Variants in TMEM117 observed in about 807,000 individuals in gnomAD.
The protein encoded by TMEM117 is transmembrane protein 117.
A neutral mutation model predicts 52.4 loss-of-function variants in TMEM117; 27 were observed. That is an observed-to-expected ratio of 0.51 (90% confidence interval 0.38 to 0.71). The LOEUF (loss-of-function observed/expected upper bound fraction) is 0.71. TMEM117 is among the 30% of genes least tolerant of loss of function. The pLI, the probability that TMEM117 is intolerant of heterozygous loss-of-function variation, is 0.00. For synonymous variants in TMEM117, 215 were observed against 206.3 expected (o/e 1.04, Z -0.36); for missense variants, 556 against 630.5 (o/e 0.88, Z 1.26).
At chr12:44,250,337 G>A (rs540442965) in intron 5 of TMEM117, among the ~76,000 whole-genome samples, 6 of 152,132 alleles carry the variant, frequency 3.9e-5, no homozygotes, top group South Asian at 4.1e-4. Flanking sequence ...GTCAGGAAAC[G>A]GTAGATACTG....
the TMEM117 span, among the ~76,000 whole-genome samples, chr12:43,824,649 T>C: frequency 6.6e-6 from 1 of 152,166 alleles, no homozygotes; most frequent in Admixed American, 6.5e-5. Context: ...AAGAAAGCCC[T>C]GTAGGGCCGG....
intron 2 of TMEM117, among the ~76,000 whole-genome samples, chr12:43,890,172 C>T (rs1403937657): frequency 1.3e-5 from 2 of 152,126 alleles, no homozygotes; most frequent in Non-Finnish European, 2.9e-5. Context: ...AGAGAAGTGA[C>T]ATTTAATGTA....
At chr12:44,154,248 A>G (rs941113666) in intron 4 of TMEM117, among the ~76,000 whole-genome samples, 1 of 152,104 alleles carries the variant, frequency 6.6e-6, no homozygotes, top group Non-Finnish European at 1.5e-5. Context: ...ATTTCCAACG[A>G]TATCAGTTAA....
chr12:44,008,768 A>C (rs975914539), intron 3 of TMEM117: 1 of 428,198 alleles, frequency 2.3e-6, no homozygotes, highest in Non-Finnish European at 4.6e-6. Flanking sequence ...AATAAGGTGG[A>C]AGTTCTGAAT....
At chr12:43,996,896 C>G (rs1690299905) in intron 3 of TMEM117, among the ~76,000 whole-genome samples, 1 of 152,110 alleles carries the variant, frequency 6.6e-6, no homozygotes, top group Non-Finnish European at 1.5e-5. Context: ...TGGGAACTTT[C>G]ACTGGGCATA....
intron 4 of TMEM117, among the ~76,000 whole-genome samples, chr12:44,151,656 T>C (rs992467365): frequency 2.0e-5 from 3 of 150,646 alleles, no homozygotes; most frequent in Non-Finnish European, 4.4e-5. Context: ...TGAAAGTCAA[T>C]GATATAATGA....
chr12:44,366,266 A>G (rs979095988), intron 6 of TMEM117, among the ~76,000 whole-genome samples: 13 of 152,044 alleles, frequency 8.6e-5, no homozygotes, highest in African/African-American at 3.1e-4. Context: ...GTATAAAGAT[A>G]GGCAACTGCT....
At chr12:44,195,513 T>C (rs1223996716) in intron 4 of TMEM117, among the ~76,000 whole-genome samples, 1 of 152,084 alleles carries the variant, frequency 6.6e-6, no homozygotes, top group African/African-American at 2.4e-5. Flanking sequence ...AGGAGGTCAT[T>C]CTCGGAATTC....
intron 5 of TMEM117, among the ~76,000 whole-genome samples, chr12:44,267,201 T>C (rs1033187519): frequency 6.6e-6 from 1 of 152,142 alleles, no homozygotes; most frequent in Non-Finnish European, 1.5e-5. Context: ...AACTATGTTT[T>C]GTAATTTTCC....
intron 3 of TMEM117, among the ~76,000 whole-genome samples, chr12:44,133,965 A>G (rs1948452512): frequency 2.6e-5 from 4 of 152,204 alleles, no homozygotes. Flanking sequence ...GAGACCTATA[A>G]AATACCTTTG....
Position 44,388,554 on chromosome 12 carries a change from T to C in TMEM117, c.1427T>C (p.Ile476Thr). Residue 476 changes from isoleucine (I) to threonine (T), a missense_variant, in exon 8 of 8, where the codon ATC (isoleucine) becomes ACC (threonine). Ile to Thr is a moderately conservative substitution (Grantham distance 89). Coordinates refer to ENST00000266534, the MANE Select transcript of TMEM117 (RefSeq NM_032256.3). ...LVCIRSDFNE[I>T]VYKSSHLTSE... ...TGCATCAGGTCTGACTTCAATGAGA[T>C]CGTCTACAAGTCTTCCCACCTAACC... 1 of 1,613,542 alleles carries C rather than the reference T, an allele frequency of 6.2e-7. No individual in the cohort carries two copies. The highest frequency in any genetic ancestry group is 8.5e-7 in the Non-Finnish European group (1 of 1,179,616).
chr12:44,020,565 A>C (rs1946440904), intron 3 of TMEM117, among the ~76,000 whole-genome samples: 1 of 152,148 alleles, frequency 6.6e-6, no homozygotes, highest in Admixed American at 6.5e-5. Flanking sequence ...TTTAACCCTA[A>C]AGTTTTATGT....
At chr12:44,161,907 G>A (rs1367767809) in intron 4 of TMEM117, among the ~76,000 whole-genome samples, 1 of 152,120 alleles carries the variant, frequency 6.6e-6, no homozygotes, top group Non-Finnish European at 1.5e-5. Context: ...TATGTGGTGA[G>A]AGAGGTAGTG....
intron 5 of TMEM117, among the ~76,000 whole-genome samples, chr12:44,299,153 T>C (rs12297701): frequency 0.01 from 1,433 of 141,072 alleles, 34 homozygotes; most frequent in African/African-American, 0.04. Context: ...TTTTTTGAGA[T>C]GGAGTCTCGC....
chr12:44,226,501 A>ATGTGTGTGTGTGTG lies in TMEM117; in HGVS notation c.608+15124_608+15137dup, dbSNP rs56709250. ...ATAAACTATAAATATAAATATATATATGTGTGTGTGTGTGTGTGTGTGTAC... is the reference window on the plus strand; with the variant it reads ...ATAAACTATAAATATAAATATATATATGTGTGTGTGTGTGTGTGTGTGTGTGTGTGTGTGTGTAC... On this transcript the variant is annotated intron_variant, in intron 5 of 7. Coordinates refer to ENST00000266534, the MANE Select transcript of TMEM117 (RefSeq NM_032256.3). Among the ~76,000 whole-genome samples the ATGTGTGTGTGTGTG allele has an allele frequency of 7.4e-3, 1,099 of 149,266 alleles. 9 individuals carry two copies. Among genetic ancestry groups the ATGTGTGTGTGTGTG allele is most frequent in the African/African-American group, 0.021 (850 of 40,754 alleles).
At chr12:43,930,124 C>CAT (rs1394506855) in intron 2 of TMEM117, among the ~76,000 whole-genome samples, 3 of 152,120 alleles carry the variant, frequency 2.0e-5, no homozygotes, top group African/African-American at 7.2e-5. Flanking sequence ...TATTGCCTTT[C>CAT]ATATATCACA....
chr12:43,955,445 A>G (rs1253695292), intron 3 of TMEM117, among the ~76,000 whole-genome samples: 1 of 152,218 alleles, frequency 6.6e-6, no homozygotes, highest in East Asian at 1.9e-4. Flanking sequence ...TTAGTGAAGT[A>G]TCAGGATACA....
At chr12:43,962,159 T>TACCA (rs1399619759) in intron 3 of TMEM117, among the ~76,000 whole-genome samples, 2 of 152,236 alleles carry the variant, frequency 1.3e-5, no homozygotes, top group Non-Finnish European at 2.9e-5. Context: ...ACCGTTCTGG[T>TACCA]ACCAGGTCAG....
intron 3 of TMEM117, among the ~76,000 whole-genome samples, chr12:44,040,767 G>T (rs1946784485): frequency 1.3e-5 from 2 of 152,088 alleles, no homozygotes; most frequent in Admixed American, 1.3e-4. Context: ...TATTGTCCTT[G>T]TTGGACAAAA....
Sources: allele counts gnomAD v4.1 joint callset (sites outside exome capture counted in the v4.1 genomes callset), GRCh38; gene constraint gnomAD v4.1.1; transcripts MANE v1.5; gene names NCBI Gene and HGNC (gene_info 2026-07-23, HGNC 2026-07-21).